USP6NL: variants seen among roughly 807,000 people sequenced by gnomAD.
USP6NL encodes the protein USP6 N-terminal-like protein.
In USP6NL, 26 loss-of-function variants were observed where a neutral mutation model predicts 61.9. The observed-to-expected ratio is 0.42, with a 90% CI of 0.31 to 0.58. The LOEUF (loss-of-function observed/expected upper bound fraction) is 0.58. USP6NL is among the 20% of genes least tolerant of loss of function. The probability of loss-of-function intolerance (pLI) is 0.16; values close to 1 mark genes in which losing one functional copy is unlikely to be tolerated. For missense variants in USP6NL, 1,114 were observed against 1,034.3 expected (o/e 1.08, Z -1.06); for synonymous variants, 432 against 390.1 (o/e 1.11, Z -1.27).
At chr10:11,475,882 G>A (rs999670376) in intron 14 of USP6NL, among the ~76,000 whole-genome samples, 6 of 152,214 alleles carry the variant, frequency 3.9e-5, no homozygotes, top group African/African-American at 1.2e-4. Flanking sequence ...TAAGAAAACA[G>A]TAGTCACTGT....
intron 1 of USP6NL, among the ~76,000 whole-genome samples, chr10:11,599,197 T>C (rs929585639): frequency 6.6e-6 from 1 of 152,212 alleles, no homozygotes; most frequent in African/African-American, 2.4e-5. Context: ...GCATGCTGAC[T>C]GCTGACAAGG....
At position 11,592,231 on chromosome 10, in the gene USP6NL, C is replaced by T. The variant is rs1302500430; in HGVS notation, c.4+5400G>A. Among the ~76,000 whole-genome samples, 1 of 152,198 alleles carries T rather than the reference C, an allele frequency of 6.6e-6. No individual in the cohort carries two copies. The highest frequency in any genetic ancestry group is 2.4e-5 in the African/African-American group (1 of 41,444). On this transcript the variant is annotated intron_variant, in intron 2 of 14. Transcript: ENST00000609104. This position sits in a 1 kb window ranked among gnomAD's most constrained non-coding sequence, Gnocchi z 4.7. ...AAAGAAGATAAATTAGCTAAAAGCA[C>T]AGTATATTCCACTTTAAATAGTGTT... is the stretch of plus-strand genomic sequence containing the variant.
At chr10:11,502,719 G>A (rs1273818780) in intron 6 of USP6NL, among the ~76,000 whole-genome samples, 1 of 152,324 alleles carries the variant, frequency 6.6e-6, no homozygotes, top group Admixed American at 6.5e-5. Context: ...TCATGTGGTT[G>A]AAGGTGAGTG....
At position 11,537,910 on chromosome 10, in the gene USP6NL, CT is replaced by C. The variant is rs374869307; in HGVS notation, c.5-10344del. 1.7e-3 allele frequency among the ~76,000 whole-genome samples: 258 copies of C among 152,304 alleles called. 3 individuals are homozygous for C. The highest frequency in any genetic ancestry group is 5.6e-3 in the African/African-American group (233 of 41,568). On this transcript the variant is annotated intron_variant, in intron 2 of 14. Coordinates refer to ENST00000609104, the MANE Select transcript of USP6NL (RefSeq NM_014688.5). This position sits in a 1 kb window ranked among gnomAD's most constrained non-coding sequence, Gnocchi z 5.1. ...CCCCTTGATTCTCCATGGCTTGCCC[CT>C]GATTCTGCAAATAAAAAGATCAACA...
Position 11,481,932 on chromosome 10 carries a change from G to A in USP6NL, c.926-10C>T, listed in dbSNP as rs1470623543. 5.6e-6 allele frequency: 9 copies of A among 1,594,744 alleles called. No individual in the cohort carries two copies. The highest frequency in any genetic ancestry group is 7.7e-6 in the Non-Finnish European group (9 of 1,172,360). ...AATTTCATTAGATGTTCTAAGAAAG[G>A]ATAAGAGAAATGAAAATGCCAAGTC... On this transcript the variant is annotated splice_polypyrimidine_tract_variant and intron_variant, in intron 13 of 14. Coordinates refer to ENST00000609104, the MANE Select transcript of USP6NL (RefSeq NM_014688.5). The surrounding 1 kb of genome is among the most constrained non-coding windows in gnomAD (Gnocchi z 4.4).
chr10:11,469,066 A>G (rs1365317006), intron 14 of USP6NL, among the ~76,000 whole-genome samples: 2 of 152,212 alleles, frequency 1.3e-5, no homozygotes, highest in Non-Finnish European at 2.9e-5. Flanking sequence ...TCACACATCT[A>G]TGCATCATAT....
chr10:11,519,229 G>C (rs1256942188), intron 4 of USP6NL, among the ~76,000 whole-genome samples: 1 of 151,964 alleles, frequency 6.6e-6, no homozygotes, highest in African/African-American at 2.4e-5. Flanking sequence ...CTCCACTCTT[G>C]GTTCAAACTA....
At position 11,491,411 on chromosome 10, in the gene USP6NL, G is replaced by A. The variant is rs1007650641; in HGVS notation, c.495-531C>T. Among the ~76,000 whole-genome samples, 10 of 152,182 alleles carry A rather than the reference G, an allele frequency of 6.6e-5. No homozygotes were observed. Among genetic ancestry groups the A allele is most frequent in the African/African-American group, 2.4e-4 (10 of 41,438 alleles). On this transcript the variant is annotated intron_variant, in intron 8 of 14. Coordinates refer to ENST00000609104, the MANE Select transcript of USP6NL (RefSeq NM_014688.5). The surrounding 1 kb of genome is among the most constrained non-coding windows in gnomAD (Gnocchi z 4.7). ...TTCTCTCTAGAGATCCACTAGCAAA[G>A]CGTTTGCTTCTTGGCCCTGCAAGCT...
chr10:11,514,787 AG>A (rs1834885317), intron 5 of USP6NL, among the ~76,000 whole-genome samples: 1 of 152,222 alleles, frequency 6.6e-6, no homozygotes. Flanking sequence ...ATAATTGTAT[AG>A]AAGACTCTGA....
At chr10:11,580,409 A>G (rs906178945) in intron 2 of USP6NL, among the ~76,000 whole-genome samples, 1 of 152,214 alleles carries the variant, frequency 6.6e-6, no homozygotes, top group African/African-American at 2.4e-5. Flanking sequence ...AGTCATGCAC[A>G]CAAATTTAGC....
chr10:11,534,561 G>A (rs1453049460), intron 2 of USP6NL, among the ~76,000 whole-genome samples: 1 of 152,124 alleles, frequency 6.6e-6, no homozygotes, highest in Non-Finnish European at 1.5e-5. Flanking sequence ...TACAGTAAAA[G>A]CTTACATATA....
chr10:11,493,844 T>C (rs1833803296), intron 7 of USP6NL, among the ~76,000 whole-genome samples: 1 of 151,354 alleles, frequency 6.6e-6, no homozygotes, highest in Non-Finnish European at 1.5e-5. Context: ...TCTCTGGGCC[T>C]TCTCCTGCCT....
intron 2 of USP6NL, among the ~76,000 whole-genome samples, chr10:11,582,394 C>T (rs1184371994): frequency 6.6e-6 from 1 of 152,216 alleles, no homozygotes; most frequent in Non-Finnish European, 1.5e-5. Context: ...AGCCACGGTG[C>T]CCAGCCTCTA....
At chr10:11,494,620 A>G (rs1411390245) in intron 7 of USP6NL, among the ~76,000 whole-genome samples, 21 of 152,172 alleles carry the variant, frequency 1.4e-4, no homozygotes, top group Non-Finnish European at 1.6e-4. Flanking sequence ...TTGGATACAA[A>G]GCAAAAGGGG....
At chr10:11,559,285 T>G (rs1245700957) in intron 2 of USP6NL, among the ~76,000 whole-genome samples, 1 of 152,204 alleles carries the variant, frequency 6.6e-6, no homozygotes, top group Non-Finnish European at 1.5e-5. Flanking sequence ...AAATAACAAT[T>G]TCTACTTCTC....
At chr10:11,551,718 A>G (rs11257165) in intron 2 of USP6NL, among the ~76,000 whole-genome samples, 27,414 of 152,200 alleles carry the variant, frequency 0.18, 2,915 homozygotes, top group South Asian at 0.25. Flanking sequence ...TAACGTCTAT[A>G]TAGTGTAGCA....
chr10:11,514,102 C>T (rs548270419), intron 5 of USP6NL, among the ~76,000 whole-genome samples: 1 of 152,188 alleles, frequency 6.6e-6, no homozygotes, highest in Non-Finnish European at 1.5e-5. Flanking sequence ...CCCAATTTTT[C>T]CATTAATAGA....
rs956163338 is a variant in USP6NL, at chr10:11,463,869, C to T, written c.1079-20G>A. Reference sequence around the variant, plus strand: ...CTTTACCTGAAAAGAAAGAGAAAGGCTAAGTAAGATAATACACGAGTAAAC... The same window carrying T: ...CTTTACCTGAAAAGAAAGAGAAAGGTTAAGTAAGATAATACACGAGTAAAC... On this transcript the variant is annotated intron_variant, in intron 14 of 14. Coordinates refer to ENST00000609104, the MANE Select transcript of USP6NL (RefSeq NM_014688.5). This position sits in a 1 kb window ranked among gnomAD's most constrained non-coding sequence, Gnocchi z 6.3. 3.6e-5 allele frequency: 53 copies of T among 1,455,820 alleles called. No individual in the cohort carries two copies. Among genetic ancestry groups the T allele is most frequent in the Non-Finnish European group, 4.7e-5 (52 of 1,102,288 alleles). 90.2% of individuals were successfully genotyped at this position (1,455,820 alleles called of 1,614,324 possible). A position where few individuals can be genotyped will look rare whatever the true frequency, so the allele number is the denominator to read the frequency against.
chr10:11,485,004 C>T lies in USP6NL; in HGVS notation c.892G>A (p.Ala298Thr). 1 of 1,550,170 alleles carries T rather than the reference C, an allele frequency of 6.5e-7. No homozygotes were observed. ...YIFEGERVLT[A>T]MSYTILKLHK... ...AATTTTAAGATGGTGTAAGACATAG[C>T]AGTAAGAACTCGTTCTCCTTCAAAG... The change falls in exon 13 of 15, where the codon GCT (alanine) becomes ACT (threonine). Residue 298 changes from alanine to threonine, a missense_variant. Ala to Thr is a moderately conservative substitution (Grantham distance 58, BLOSUM62 0). Coordinates refer to ENST00000609104, the MANE Select transcript of USP6NL (RefSeq NM_014688.5). This position sits in a 1 kb window ranked among gnomAD's most constrained non-coding sequence, Gnocchi z 4.8.
Sources: gnomAD v4.1 joint callset for allele counts (sites outside exome capture counted in the v4.1 genomes callset) on GRCh38, gnomAD v4.1.1 for gene constraint, Gnocchi (gnomAD v3.1) non-coding constraint, MANE v1.5 for transcripts, NCBI Gene and HGNC (gene_info 2026-07-23, HGNC 2026-07-21) for gene names.